The following CSMD2 variants were observed in gnomAD, a reference collection of about 807,000 sequenced individuals.
CSMD2 encodes CUB and Sushi multiple domains 2, also known as CUB and sushi domain-containing protein 2.
A neutral mutation model predicts 398.5 loss-of-function variants in CSMD2; 130 were observed. The ratio of observed to expected loss-of-function variants is 0.33; its 90% CI spans 0.28 to 0.38. CSMD2 has a LOEUF of 0.38. Among genes scored for constraint, CSMD2 ranks in the 10% least tolerant of loss-of-function variants. CSMD2 has a pLI of 1.00. For missense variants in CSMD2, 3,829 were observed against 4,764.9 expected (o/e 0.80, Z 5.78); for synonymous variants, 1,828 against 1,908.5 (o/e 0.96, Z 1.10).
At chr1:33,825,345 C>G (rs982367843) in intron 7 of CSMD2, among the ~76,000 whole-genome samples, 1 of 152,190 alleles carries the variant, frequency 6.6e-6, no homozygotes, top group Non-Finnish European at 1.5e-5. Flanking sequence ...AGGTTACTGA[C>G]TCCTAAAAGA....
chr1:33,830,110 C>T (rs547390598), intron 6 of CSMD2, among the ~76,000 whole-genome samples: 2 of 152,346 alleles, frequency 1.3e-5, no homozygotes, highest in Admixed American at 1.3e-4. Context: ...ACAGCAGTAA[C>T]CTCTGCAGAC....
intron 10 of CSMD2, among the ~76,000 whole-genome samples, chr1:33,800,799 G>A (rs534896034): frequency 3.3e-5 from 5 of 152,246 alleles, no homozygotes; most frequent in South Asian, 2.1e-4. Context: ...ACATGATTTC[G>A]AGACAGCTGT....
At chr1:33,653,664 G>A (rs898980742) in intron 27 of CSMD2, among the ~76,000 whole-genome samples, 1 of 152,124 alleles carries the variant, frequency 6.6e-6, no homozygotes, top group African/African-American at 2.4e-5. Context: ...CCAGAGCCTG[G>A]ATCAGGTCTC....
At chr1:34,013,582 C>T (rs1406114289) in intron 3 of CSMD2, among the ~76,000 whole-genome samples, 1 of 152,130 alleles carries the variant, frequency 6.6e-6, no homozygotes, top group Non-Finnish European at 1.5e-5. Context: ...GTTCTTGGTT[C>T]CCAGCTCTCT....
At chr1:33,990,507 C>T (rs1558211775) in intron 3 of CSMD2, among the ~76,000 whole-genome samples, 2 of 152,196 alleles carry the variant, frequency 1.3e-5, no homozygotes, top group African/African-American at 4.8e-5. Flanking sequence ...ACTTTCTGCA[C>T]GTGGAAAGCC....
intron 3 of CSMD2, 142 bp downstream of exon 3, chr1:34,032,452 G>A: frequency 1.8e-6 from 1 of 542,558 alleles, no homozygotes; most frequent in Non-Finnish European, 3.2e-6. Context: ...CTGAGTTACT[G>A]GTTAGTAACC....
chr1:33,531,642 A>G (rs1257563312), intron 64 of CSMD2, among the ~76,000 whole-genome samples: 1 of 152,256 alleles, frequency 6.6e-6, no homozygotes, highest in Non-Finnish European at 1.5e-5. Context: ...CATAAGAAGG[A>G]AAGAAATTCC....
intron 28 of CSMD2, among the ~76,000 whole-genome samples, chr1:33,649,004 A>T (rs545729168): frequency 1.3e-5 from 2 of 152,230 alleles, no homozygotes; most frequent in Non-Finnish European, 2.9e-5. Flanking sequence ...CTTGAACTTG[A>T]TGGAGTTTAT....
intron 1 of CSMD2, among the ~76,000 whole-genome samples, chr1:34,091,047 T>A (rs1229323546): frequency 6.6e-6 from 1 of 152,186 alleles, no homozygotes; most frequent in African/African-American, 2.4e-5. Flanking sequence ...CTCAGCCTAG[T>A]GTCCTTCCTT....
chr1:33,810,446 G>T (rs1026839517), intron 10 of CSMD2, among the ~76,000 whole-genome samples: 1 of 152,168 alleles, frequency 6.6e-6, no homozygotes, highest in Non-Finnish European at 1.5e-5. Context: ...TTACCTCTGA[G>T]GGTGTAGGGA....
intron 5 of CSMD2, among the ~76,000 whole-genome samples, chr1:33,887,046 T>A (rs1275670256): frequency 6.6e-6 from 1 of 152,154 alleles, no homozygotes; most frequent in Non-Finnish European, 1.5e-5. Flanking sequence ...CCCATCTCTT[T>A]GACTCCAAAG....
chr1:33,567,833 T>G lies in CSMD2; in HGVS notation c.8140A>C (p.Thr2714Pro), dbSNP rs749256616. 6.3e-7 allele frequency: 1 copy of G among 1,579,298 alleles called. No individual in the cohort carries two copies. The highest frequency in any genetic ancestry group is 8.6e-7 in the Non-Finnish European group (1 of 1,162,068). ...TTATAGAAAATGGAGTGGAGCTTGGTCTGAGTGGCTAGAGACAGGGATGGT... is the reference window on the plus strand; with the variant it reads ...TTATAGAAAATGGAGTGGAGCTTGGGCTGAGTGGCTAGAGACAGGGATGGT... ...GSEVRCLATQ[T>P]KLHSIFYKLL... is the part of the protein sequence containing the mutation. Residue 2714 changes from threonine to proline, a missense_variant, in exon 53 of 71, where the codon ACC becomes CCC. Physicochemically the swap from Thr to Pro is conservative, Grantham distance 38 (BLOSUM62 -1). This residue lies in a region of CSMD2 where 723 missense variants were observed against 758.6 expected (regional missense o/e 0.95). Transcript: ENST00000373381.
intron 2 of CSMD2, among the ~76,000 whole-genome samples, chr1:34,059,533 C>A (rs1349652858): frequency 6.6e-6 from 1 of 152,200 alleles, no homozygotes; most frequent in African/African-American, 2.4e-5. Flanking sequence ...ATTTACTAAT[C>A]TCCCTTACTA....
chr1:34,103,410 T>C (rs988286132), intron 1 of CSMD2, among the ~76,000 whole-genome samples: 8 of 149,624 alleles, frequency 5.3e-5, no homozygotes, highest in Admixed American at 4.0e-4. Context: ...GCCATTCTCC[T>C]GCCTCAGCCT....
intron 25 of CSMD2, among the ~76,000 whole-genome samples, chr1:33,681,351 C>T (rs1644903803): frequency 6.6e-6 from 1 of 152,058 alleles, no homozygotes; most frequent in Non-Finnish European, 1.5e-5. Context: ...TTTCTTTAAG[C>T]ATTTTCAAAA....
intron 25 of CSMD2, among the ~76,000 whole-genome samples, chr1:33,691,713 C>A (rs1394440016): frequency 6.6e-6 from 1 of 152,140 alleles, no homozygotes; most frequent in Admixed American, 6.5e-5. Flanking sequence ...CTGCAAATAA[C>A]CCTGGTGGAC....
intron 2 of CSMD2, among the ~76,000 whole-genome samples, chr1:34,039,501 T>G (rs1001461959): frequency 1.3e-5 from 2 of 152,202 alleles, no homozygotes; most frequent in Admixed American, 1.3e-4. Context: ...ACTTGTAGGT[T>G]TTGTTACTAC....
At chr1:34,052,495 CTGTGTG>C (rs143571706) in intron 2 of CSMD2, among the ~76,000 whole-genome samples, 7,774 of 134,134 alleles carry the variant, frequency 0.058, 274 homozygotes, top group East Asian at 0.16. Context: ...TATGGGACAA[CTGTGTG>C]TGTGTGTGTG....
chr1:33,915,548 T>C (rs1350586865), intron 5 of CSMD2, among the ~76,000 whole-genome samples: 2 of 152,178 alleles, frequency 1.3e-5, no homozygotes, highest in African/African-American at 2.4e-5. Flanking sequence ...AGTGACTTAA[T>C]AGGAAAAGGA....
Sources: gnomAD v4.1 joint callset for allele counts (sites outside exome capture counted in the v4.1 genomes callset) on GRCh38, gnomAD v4.1.1 for gene constraint, gnomAD v4.1.1 regional missense constraint, MANE v1.5 for transcripts, NCBI Gene and HGNC (gene_info 2026-07-23, HGNC 2026-07-21) for gene names.